SLC35F4: variants seen among roughly 807,000 people sequenced by gnomAD.
SLC35F4 encodes chromosome 14 open reading frame 36.
SLC35F4 carries 24 observed loss-of-function variants against 44.2 expected under a neutral mutation model. The observed-to-expected ratio is 0.54, with a 90% CI of 0.39 to 0.76. The LOEUF (loss-of-function observed/expected upper bound fraction) is 0.76, where lower values mean the gene tolerates loss of function less well. Ranked by LOEUF, SLC35F4 falls within the 30% of genes least tolerant of loss-of-function variation. SLC35F4 has a pLI of 0.00. For missense variants in SLC35F4, 562 were observed against 586.1 expected, an observed-to-expected ratio of 0.96 and a Z score of 0.42; for synonymous variants, 238 against 223.6, an observed-to-expected ratio of 1.06 and a Z score of -0.57.
At chr14:57,737,081 T>C (rs1343500044) in intron 1 of SLC35F4, among the ~76,000 whole-genome samples, 2 of 150,178 alleles carry the variant, frequency 1.3e-5, no homozygotes, top group Admixed American at 1.3e-4. Context: ...TACAGGAAAA[T>C]GACATTCTTT....
chr14:57,817,297 G>C (rs1479082362), intron 1 of SLC35F4, among the ~76,000 whole-genome samples: 2 of 152,154 alleles, frequency 1.3e-5, no homozygotes, highest in Non-Finnish European at 2.9e-5. Flanking sequence ...TTGAGCCTTA[G>C]ATGTAGAAAG....
intron 1 of SLC35F4, among the ~76,000 whole-genome samples, chr14:57,781,636 C>T (rs1054363788): frequency 1.1e-4 from 17 of 152,096 alleles, no homozygotes; most frequent in African/African-American, 4.1e-4. Context: ...GTATTATTCA[C>T]AATAGCAAAG....
chr14:57,736,326 C>T (rs1243010713), intron 1 of SLC35F4, among the ~76,000 whole-genome samples: 3 of 152,172 alleles, frequency 2.0e-5, no homozygotes, highest in Non-Finnish European at 4.4e-5. Flanking sequence ...GGTTTTCTCC[C>T]CTCCACAGTA....
intron 1 of SLC35F4, among the ~76,000 whole-genome samples, chr14:57,813,405 T>A (rs927345391): frequency 1.3e-5 from 2 of 152,058 alleles, no homozygotes; most frequent in Non-Finnish European, 2.9e-5. Context: ...GCCTGGCCTA[T>A]ATGGTGAAAC....
At chr14:57,741,389 C>A (rs1404242233) in intron 1 of SLC35F4, among the ~76,000 whole-genome samples, 1 of 152,018 alleles carries the variant, frequency 6.6e-6, no homozygotes, top group African/African-American at 2.4e-5. Context: ...CTAGAGAAGA[C>A]CTTAAATGAC....
At chr14:57,598,065 A>G (rs1401595761) in intron 1 of SLC35F4, among the ~76,000 whole-genome samples, 1 of 152,198 alleles carries the variant, frequency 6.6e-6, no homozygotes, top group Non-Finnish European at 1.5e-5. Flanking sequence ...AGCGACCTAC[A>G]GGGACAAGAA....
chr14:57,655,611 C>T (rs921820678), intron 1 of SLC35F4, among the ~76,000 whole-genome samples: 5 of 152,116 alleles, frequency 3.3e-5, no homozygotes, highest in African/African-American at 1.2e-4. Flanking sequence ...TACCACCCAG[C>T]ACTGCAGCTC....
At chr14:57,941,909 T>G (rs576061413) in intron 1 of SLC35F4, among the ~76,000 whole-genome samples, 1 of 152,270 alleles carries the variant, frequency 6.6e-6, no homozygotes, top group African/African-American at 2.4e-5. Flanking sequence ...TTTAAGGCAT[T>G]TTGTGGCTGG....
At chr14:57,821,973 C>G (rs566484296) in intron 1 of SLC35F4, among the ~76,000 whole-genome samples, 4 of 152,326 alleles carry the variant, frequency 2.6e-5, no homozygotes, top group African/African-American at 9.6e-5. Flanking sequence ...CCTACATGTC[C>G]ATGTCCCTGA....
intron 1 of SLC35F4, among the ~76,000 whole-genome samples, chr14:57,721,622 T>C (rs951390451): frequency 7.2e-5 from 11 of 152,206 alleles, no homozygotes; most frequent in African/African-American, 1.9e-4. Flanking sequence ...ACAAGGTGTC[T>C]ACTGTTAAAG....
At chr14:57,616,838 A>G (rs990128190) in intron 1 of SLC35F4, among the ~76,000 whole-genome samples, 2 of 152,002 alleles carry the variant, frequency 1.3e-5, no homozygotes, top group African/African-American at 2.4e-5. Context: ...TCATCCCTTG[A>G]CACTGTGGGT....
chr14:57,937,762 C>T (rs1273993774), intron 1 of SLC35F4, among the ~76,000 whole-genome samples: 1 of 151,918 alleles, frequency 6.6e-6, no homozygotes, highest in Non-Finnish European at 1.5e-5. Context: ...ACTCAAAGAC[C>T]CAGGAACATA....
intron 2 of SLC35F4, 35 bp from the exon 3 acceptor site, chr14:57,589,548 G>A (rs773923198): frequency 4.5e-6 from 7 of 1,545,814 alleles, no homozygotes; most frequent in East Asian, 2.3e-5. Flanking sequence ...TGTGAGGAAA[G>A]CAGGTTATGA....
At chr14:57,925,968 G>T (rs1482045146) in intron 1 of SLC35F4, among the ~76,000 whole-genome samples, 1 of 152,028 alleles carries the variant, frequency 6.6e-6, no homozygotes, top group East Asian at 1.9e-4. Context: ...AGACAGTATG[G>T]CATACACAGA....
At chr14:57,667,769 A>G (rs2074368142) in intron 1 of SLC35F4, among the ~76,000 whole-genome samples, 1 of 151,578 alleles carries the variant, frequency 6.6e-6, no homozygotes, top group African/African-American at 2.4e-5. Context: ...AGTCTTTGCT[A>G]TTGTGAATAG....
chr14:57,657,493 A>T (rs1054684095), intron 1 of SLC35F4, among the ~76,000 whole-genome samples: 8 of 151,986 alleles, frequency 5.3e-5, no homozygotes, highest in African/African-American at 1.9e-4. Flanking sequence ...TTACCCTACC[A>T]CCTCACAGTA....
At chr14:57,596,303 T>G in intron 1 of SLC35F4, 1 of 172,928 alleles carries the variant, frequency 5.8e-6, no homozygotes, top group Non-Finnish European at 1.2e-5. Context: ...ATGTTACTAT[T>G]GTTATTATAA....
intron 1 of SLC35F4, among the ~76,000 whole-genome samples, chr14:57,808,114 G>A (rs1005362665): frequency 2.0e-5 from 3 of 151,806 alleles, no homozygotes; most frequent in Non-Finnish European, 2.9e-5. Flanking sequence ...ACAATTCAAG[G>A]TGAGAGTTGG....
At chr14:57,575,504 A>G (rs574448382) in intron 4 of SLC35F4, among the ~76,000 whole-genome samples, 73 of 149,674 alleles carry the variant, frequency 4.9e-4, no homozygotes, top group Admixed American at 2.9e-3. Context: ...AAAGATGGGG[A>G]AAAAAAAAAC....
Sources: gnomAD v4.1 joint callset for allele counts (sites outside exome capture counted in the v4.1 genomes callset) on GRCh38, gnomAD v4.1.1 for gene constraint, MANE v1.5 for transcripts, NCBI Gene and HGNC (gene_info 2026-07-23, HGNC 2026-07-21) for gene names.